Variants in FOXP1 observed in about 807,000 individuals in gnomAD.
FOXP1 encodes forkhead box P1.
FOXP1 carries 15 observed loss-of-function variants against 98.2 expected under a neutral mutation model. The observed-to-expected ratio is 0.15, with a 90% CI of 0.10 to 0.24. The LOEUF is 0.24. FOXP1 is among the 10% of genes least tolerant of loss of function. The pLI is 1.00. For missense variants in FOXP1, 633 were observed against 848.5 expected (o/e 0.75, Z 3.15); for synonymous variants, 371 against 314.5 (o/e 1.18, Z -1.90).
chr3:71,204,037 T>G (rs2063846372), intron 5 of FOXP1, among the ~76,000 whole-genome samples: 1 of 151,964 alleles, frequency 6.6e-6, no homozygotes, highest in Non-Finnish European at 1.5e-5. Flanking sequence ...TTGGAAATAT[T>G]GAACACATGC....
intron 6 of FOXP1, among the ~76,000 whole-genome samples, chr3:71,153,615 C>T (rs2060679633): frequency 6.6e-6 from 1 of 150,984 alleles, no homozygotes; most frequent in Non-Finnish European, 1.5e-5. Flanking sequence ...GAAATGACAA[C>T]TGAAGATACA....
intron 4 of FOXP1, among the ~76,000 whole-genome samples, chr3:71,313,037 A>ATC (rs1447098901): frequency 6.7e-6 from 1 of 148,666 alleles, no homozygotes; most frequent in African/African-American, 2.4e-5. Flanking sequence ...CAATTGCACA[A>ATC]TCACAATGAA....
intron 3 of FOXP1, among the ~76,000 whole-genome samples, chr3:71,395,619 T>C (rs1015018682): frequency 1.3e-5 from 2 of 152,124 alleles, no homozygotes; most frequent in East Asian, 3.8e-4. Flanking sequence ...CTGTTCTTTG[T>C]TGTTTGTTTA....
At chr3:71,480,049 A>G (rs2090150724) in intron 3 of FOXP1, among the ~76,000 whole-genome samples, 1 of 152,156 alleles carries the variant, frequency 6.6e-6, no homozygotes, top group African/African-American at 2.4e-5. Flanking sequence ...TACAAAAATT[A>G]GCTGGGCGTG....
At chr3:71,203,297 C>T (rs568218289) in intron 5 of FOXP1, among the ~76,000 whole-genome samples, 2 of 152,304 alleles carry the variant, frequency 1.3e-5, no homozygotes, top group East Asian at 3.9e-4. Context: ...TGCTTGGAAA[C>T]ATTACAGAGC....
intron 4 of FOXP1, among the ~76,000 whole-genome samples, chr3:71,338,171 G>A (rs1458641922): frequency 6.6e-6 from 1 of 152,196 alleles, no homozygotes. Flanking sequence ...ACAGATCAAA[G>A]TGAGATCTGC....
At chr3:71,572,314 A>G (rs1432704073) in intron 2 of FOXP1, 4 of 152,226 alleles carry the variant, frequency 2.6e-5, no homozygotes, top group Admixed American at 2.6e-4. Context: ...CAGACAAATG[A>G]ACAAATTATG....
intron 5 of FOXP1, among the ~76,000 whole-genome samples, chr3:71,214,031 T>C (rs1429916831): frequency 6.6e-6 from 1 of 152,122 alleles, no homozygotes; most frequent in Admixed American, 6.6e-5. Context: ...GTCCCTACAG[T>C]TAGCAAGGAT....
At chr3:71,109,554 A>C (rs1222638017) in intron 7 of FOXP1, among the ~76,000 whole-genome samples, 1 of 152,190 alleles carries the variant, frequency 6.6e-6, no homozygotes, top group Non-Finnish European at 1.5e-5. Context: ...TGAGAAGATC[A>C]GAGATGAGCA....
intron 3 of FOXP1, among the ~76,000 whole-genome samples, chr3:71,471,233 T>C (rs896130044): frequency 2.6e-5 from 4 of 151,504 alleles, no homozygotes; most frequent in African/African-American, 4.8e-5. Context: ...CATACACAAA[T>C]ACACATATTT....
At chr3:71,345,395 TATACACACACACACACACACAC>T (rs1485133292) in intron 4 of FOXP1, among the ~76,000 whole-genome samples, 3 of 50,308 alleles carry the variant, frequency 6.0e-5, no homozygotes, top group African/African-American at 1.3e-4. Context: ...CTCAAATATA[TATACACACACACACACACACAC>T]ACACACACAC....
rs137922178 is a variant in FOXP1 at position 71,565,526 on chromosome 3, T to C, written c.-298+16023A>G. ...AGACGACACCTGCCTTCTGGCCTAA[T>C]GGAAAAATCAATCTGTCAGGTCTTA... is the stretch of plus-strand genomic sequence containing the variant. On this transcript the variant is annotated intron_variant, in intron 2 of 20. Coordinates refer to ENST00000649528, the MANE Select transcript of FOXP1 (RefSeq NM_001349338.3). Among the ~76,000 whole-genome samples the C allele has an allele frequency of 4.8e-3, 724 of 152,212 alleles. 12 individuals carry two copies. The highest frequency in any genetic ancestry group is 0.017 in the African/African-American group (696 of 41,530).
Position 70,956,445 on chromosome 3 carries a change from G to C in FOXP1, c.*2802C>G, listed in dbSNP as rs1427085661. 6.2e-5 allele frequency: 13 copies of C among 210,242 alleles called. No homozygotes were observed. Among genetic ancestry groups the C allele is most frequent in the Non-Finnish European group, 1.1e-4 (12 of 107,892 alleles). The allele number at this position is 210,242 out of a possible 1,614,324, so 13.0% of individuals were successfully genotyped here. ...TTTTTTTTTTTTGCTACAGTCTTTA[G>C]ACTAAGCATGCAAGACATACGACTA... On this transcript the variant is annotated 3_prime_UTR_variant, in exon 21 of 21. Transcript: ENST00000649528.
At chr3:71,086,424 A>G (rs1490218069) in intron 7 of FOXP1, among the ~76,000 whole-genome samples, 1 of 152,232 alleles carries the variant, frequency 6.6e-6, no homozygotes, top group Non-Finnish European at 1.5e-5. Context: ...TTATGTGACA[A>G]CAACATATAC....
intron 12 of FOXP1, among the ~76,000 whole-genome samples, chr3:71,006,467 A>C (rs2042824288): frequency 6.6e-6 from 1 of 152,142 alleles, no homozygotes; most frequent in African/African-American, 2.4e-5. Flanking sequence ...TACGTTTATG[A>C]AGTACCAGCA....
chr3:71,185,207 T>C (rs1398236315), intron 6 of FOXP1, among the ~76,000 whole-genome samples: 1 of 151,672 alleles, frequency 6.6e-6, no homozygotes, highest in African/African-American at 2.4e-5. Context: ...AAAAAAAGTA[T>C]TAGAAACATG....
intron 3 of FOXP1, among the ~76,000 whole-genome samples, chr3:71,484,271 C>T (rs2090497042): frequency 6.6e-6 from 1 of 152,162 alleles, no homozygotes; most frequent in Admixed American, 6.5e-5. Context: ...AACTGTCTAA[C>T]TGCATATTTA....
chr3:71,539,719 T>C lies in FOXP1; in HGVS notation c.-298+41830A>G, dbSNP rs1219433046. Among the ~76,000 whole-genome samples the C allele has an allele frequency of 3.9e-5, 6 of 152,350 alleles. No individual in the cohort carries two copies. In the East Asian group the frequency reaches 1.2e-3, roughly 29 times the overall value. On this transcript the variant is annotated intron_variant, in intron 2 of 20. Coordinates refer to ENST00000649528, the MANE Select transcript of FOXP1 (RefSeq NM_001349338.3). ...TTTATTATATCTATTCCTAAGTATT[T>C]TTGATGCTATTGTAAATACAATAGC...
chr3:71,411,568 C>G (rs933746132), intron 3 of FOXP1, among the ~76,000 whole-genome samples: 1 of 152,142 alleles, frequency 6.6e-6, no homozygotes, highest in Non-Finnish European at 1.5e-5. Context: ...GTGATCCACC[C>G]GCCCTGGCCT....
Sources: allele counts gnomAD v4.1 joint callset (sites outside exome capture counted in the v4.1 genomes callset), GRCh38; gene constraint gnomAD v4.1.1; transcripts MANE v1.5; gene names NCBI Gene and HGNC (gene_info 2026-07-23, HGNC 2026-07-21).